Variants in ERCC6L2 observed in about 807,000 individuals in gnomAD.
ERCC6L2 encodes the protein ERCC excision repair 6 like 2.
ERCC6L2 carries 77 observed loss-of-function variants against 132.0 expected under a neutral mutation model. That is an observed-to-expected ratio of 0.58 (90% CI 0.49 to 0.71). The LOEUF (loss-of-function observed/expected upper bound fraction) is 0.71. Among genes scored for constraint, ERCC6L2 ranks in the 30% least tolerant of loss-of-function variants. The probability of loss-of-function intolerance (pLI) is 0.00; values close to 1 mark genes in which losing one functional copy is unlikely to be tolerated. For synonymous variants in ERCC6L2, 583 were observed against 632.4 expected (o/e 0.92, Z 1.17); for missense variants, 1,542 against 1,837.6 (o/e 0.84, Z 2.94).
At chr9:95,968,213 G>A (rs879236887) in intron 14 of ERCC6L2, 3 of 152,152 alleles carry the variant, frequency 2.0e-5, no homozygotes, top group East Asian at 3.9e-4. Flanking sequence ...CTTCAGAAGT[G>A]TTTATTAATG....
intron 12 of ERCC6L2, among the ~76,000 whole-genome samples, chr9:95,947,958 T>C (rs770479289): frequency 3.9e-5 from 6 of 152,232 alleles, no homozygotes; most frequent in Middle Eastern, 3.2e-3. Context: ...GATGGAGATA[T>C]ACAAGGAGAT....
chr9:95,912,116 A>G (rs1829368561), intron 4 of ERCC6L2, among the ~76,000 whole-genome samples: 1 of 152,200 alleles, frequency 6.6e-6, no homozygotes, highest in Admixed American at 6.5e-5. Flanking sequence ...ATCTGGAGCC[A>G]CCAATTCTTA....
rs542201639 is a variant in ERCC6L2 at position 95,886,358 on chromosome 9, T to A, written c.471+5065T>A. Among the ~76,000 whole-genome samples the A allele has an allele frequency of 1.4e-3, 217 of 150,100 alleles. 1 individual carries two copies. Among genetic ancestry groups the A allele is most frequent in the African/African-American group, 4.9e-3 (201 of 40,908 alleles). ...TACATAGGATGATGATCATTTCATT[T>A]AAAAAAAAAATACATTTAGAAATGG... On this transcript the variant is annotated intron_variant, in intron 2 of 18. Transcript: ENST00000653738.
chr9:95,907,131 G>T lies in ERCC6L2; in HGVS notation c.648G>T (p.Leu216Phe). The T allele has an allele frequency of 6.2e-7, 1 of 1,612,910 alleles. No homozygotes were observed. The highest frequency in any genetic ancestry group is 1.7e-5 in the Admixed American group (1 of 59,876). The part of the protein sequence containing the change: ...LSVLYNWKDE[L>F]DTWGYFRVTV... ...TCCTCTACAACTGGAAGGATGAATT[G>T]GACACCTGGGGATATTTCAGAGTCA... Residue 216 changes from leucine (L) to phenylalanine (F), a missense_variant, in exon 4 of 19, where the codon TTG becomes TTT. Transcript: ENST00000653738.
At chr9:95,991,142 G>A (rs980483150) in intron 17 of ERCC6L2, among the ~76,000 whole-genome samples, 3 of 151,964 alleles carry the variant, frequency 2.0e-5, no homozygotes, top group African/African-American at 7.3e-5. Context: ...GGGGTAAGGG[G>A]CAAGCCAGAA....
intron 9 of ERCC6L2, among the ~76,000 whole-genome samples, chr9:95,926,125 A>G (rs1830089777): frequency 6.6e-6 from 1 of 152,212 alleles, no homozygotes; most frequent in African/African-American, 2.4e-5. Flanking sequence ...AAGAACCCCC[A>G]TCTGCTGCTG....
At chr9:95,982,724 TG>T (rs1332957136) in intron 17 of ERCC6L2, among the ~76,000 whole-genome samples, 2 of 152,108 alleles carry the variant, frequency 1.3e-5, no homozygotes, top group Non-Finnish European at 1.5e-5. Flanking sequence ...TATATATATA[TG>T]AAATTATGTG....
At position 96,015,636 on chromosome 9, in the gene ERCC6L2, A is replaced by AG. The variant is rs1304861884; in HGVS notation, c.*2433_*2434insG. Among the ~76,000 whole-genome samples, 1 of 151,346 alleles carries AG rather than the reference A, an allele frequency of 6.6e-6. No homozygotes were observed. Among genetic ancestry groups the AG allele is most frequent in the Non-Finnish European group, 1.5e-5 (1 of 67,776 alleles). The stretch of plus-strand genomic sequence containing the variant: ...CGGTGAAACCCCGTCTCTACTAAAA[A>AG]AAAAAAAAATACAAAAATTAGCCAG... On this transcript the variant is annotated 3_prime_UTR_variant, in exon 19 of 19. Transcript: ENST00000653738.
intron 13 of ERCC6L2, among the ~76,000 whole-genome samples, chr9:95,964,637 T>C (rs1451770372): frequency 6.6e-6 from 1 of 152,196 alleles, no homozygotes; most frequent in African/African-American, 2.4e-5. Context: ...ACATCATAAA[T>C]GTTCTTTTCT....
chr9:95,971,842 TA>T, intron 15 of ERCC6L2, 90 bp from the exon 16 acceptor site: 1 of 772,848 alleles, frequency 1.3e-6, no homozygotes, highest in Non-Finnish European at 1.8e-6. Flanking sequence ...TACTTGTACC[TA>T]AATTACCTGC....
intron 17 of ERCC6L2, among the ~76,000 whole-genome samples, chr9:95,989,653 G>T (rs948356531): frequency 2.0e-5 from 3 of 152,128 alleles, no homozygotes; most frequent in African/African-American, 4.8e-5. Flanking sequence ...AGTACAGGGG[G>T]CCCTACCTGT....
At chr9:95,975,856 T>G (rs142019535) in intron 16 of ERCC6L2, among the ~76,000 whole-genome samples, 2 of 152,168 alleles carry the variant, frequency 1.3e-5, no homozygotes, top group East Asian at 3.8e-4. Flanking sequence ...CCTTCTAGTT[T>G]AGTCTTCATT....
chr9:95,933,509 C>A (rs1009956851), intron 11 of ERCC6L2, among the ~76,000 whole-genome samples: 1 of 152,112 alleles, frequency 6.6e-6, no homozygotes, highest in Non-Finnish European at 1.5e-5. Flanking sequence ...TTGTGATTGT[C>A]AATTTTCTCG....
At chr9:96,012,177 A>ATAAAATG (rs1426934079) in intron 18 of ERCC6L2, 48 bp from the exon 19 acceptor site, 2 of 1,152,806 alleles carry the variant, frequency 1.7e-6, no homozygotes, top group East Asian at 1.2e-4. Context: ...TTCTTTCAAA[A>ATAAAATG]TAAAATGTAA....
chr9:96,038,613 G>T (rs1373261839), intron 19 of ERCC6L2, among the ~76,000 whole-genome samples: 1 of 152,248 alleles, frequency 6.6e-6, no homozygotes, highest in Non-Finnish European at 1.5e-5. Flanking sequence ...CAGAGGTGTG[G>T]ATGGTGACTT....
At chr9:95,954,860 G>T (rs769346359) in intron 12 of ERCC6L2, 1 of 471,136 alleles carries the variant, frequency 2.1e-6, no homozygotes, top group East Asian at 6.9e-5. Context: ...TTTCCTGCTG[G>T]AGATGTGAGA....
chr9:96,013,045 A>G lies in ERCC6L2; in HGVS notation c.4495A>G (p.Ile1499Val), dbSNP rs1450762819. 1.5e-6 allele frequency: 2 copies of G among 1,367,714 alleles called. No individual in the cohort carries two copies. The highest frequency in any genetic ancestry group is 1.9e-5 in the Admixed American group (1 of 52,592). 84.7% of individuals were successfully genotyped at this position (1,367,714 alleles called of 1,614,324 possible). The part of the protein sequence containing the change: ...SLSKLTDLAV[I>V]ETLCEKAPLA... The stretch of plus-strand genomic sequence containing the variant: ...TAGTAAACTCACAGACTTGGCAGTA[A>G]TAGAGACTCTGTGTGAAAAAGCACC... The change falls in exon 19 of 19, where the codon ATA (isoleucine) becomes GTA (valine). Residue 1499 changes from isoleucine to valine, a missense_variant. By Grantham distance (29) the Ile-to-Val change is conservative (BLOSUM62 3). This residue lies in a region of ERCC6L2 where 442 missense variants were observed against 583.4 expected (regional missense o/e 0.76). Coordinates refer to ENST00000653738, the MANE Select transcript of ERCC6L2 (RefSeq NM_020207.7).
At chr9:95,921,441 A>G (rs1211274142) in intron 7 of ERCC6L2, 126 bp downstream of exon 7, 1 of 627,994 alleles carries the variant, frequency 1.6e-6, no homozygotes, top group Non-Finnish European at 2.4e-6. Context: ...TATGTCTTAA[A>G]AAATAGTTTT....
chr9:95,940,340 G>GATAT lies in ERCC6L2; in HGVS notation c.1752-1103_1752-1100dup, dbSNP rs146598620. On this transcript the variant is annotated intron_variant, in intron 11 of 18. Transcript: ENST00000653738. ...GCTAAAGGGAAAAGGCTTTTCTTGG[G>GATAT]ATATATATATATATTTTTATAGTCT... Among the ~76,000 whole-genome samples the GATAT allele has an allele frequency of 5.2e-3, 781 of 151,598 alleles. 10 individuals are homozygous for GATAT. The highest frequency in any genetic ancestry group is 0.018 in the African/African-American group (745 of 41,300).
Sources: gnomAD v4.1 joint callset for allele counts (sites outside exome capture counted in the v4.1 genomes callset) on GRCh38, gnomAD v4.1.1 for gene constraint, gnomAD v4.1.1 regional missense constraint, MANE v1.5 for transcripts, NCBI Gene and HGNC (gene_info 2026-07-23, HGNC 2026-07-21) for gene names.